Variants in AKAP6 observed in about 807,000 individuals in gnomAD.
AKAP6 encodes A-kinase anchoring protein 6, also known as A-kinase anchor protein 6.
AKAP6 carries 58 observed loss-of-function variants against 188.5 expected under a neutral mutation model. That is an observed-to-expected ratio of 0.31 (90% confidence interval 0.25 to 0.38). The LOEUF is 0.38. AKAP6 is among the 10% of genes least tolerant of loss of function. AKAP6 has a pLI of 1.00. For missense variants in AKAP6, 2,710 were observed against 2,740.0 expected (o/e 0.99, Z 0.24); for synonymous variants, 989 against 998.6 (o/e 0.99, Z 0.18).
intron 5 of AKAP6, among the ~76,000 whole-genome samples, chr14:32,582,634 C>T (rs1236939460): frequency 5.9e-5 from 9 of 152,242 alleles, no homozygotes; most frequent in East Asian, 1.9e-4. Flanking sequence ...ACCAATCAGA[C>T]GTAGATTTGG....
rs187582270 is a variant in AKAP6 at position 32,805,792 on chromosome 14, T to C, written c.3589-15610T>C. Among the ~76,000 whole-genome samples, 208 of 152,356 alleles carry C rather than the reference T, an allele frequency of 1.4e-3. 5 individuals carry two copies. The highest frequency in any genetic ancestry group is 0.013 in the Admixed American group (205 of 15,300). On this transcript the variant is annotated intron_variant, in intron 12 of 13. Transcript: ENST00000280979. ...GAATTGTGTTTATGAATTTTTAACA[T>C]ATAAATGGGTAAGTTTGCAGAATAT...
In AKAP6 at chr14:32,546,031, C is replaced by CAAA; in HGVS notation, c.1379_1380insAAA (p.His460delinsGlnAsn). The CAAA allele has an allele frequency of 1.9e-6, 3 of 1,614,150 alleles. No individual in the cohort carries two copies. The highest frequency in any genetic ancestry group is 2.5e-6 in the Non-Finnish European group (3 of 1,180,018). On this transcript the variant is annotated protein_altering_variant, in exon 4 of 14. Transcript: ENST00000280979. ...TGCCAGCCAGTCTTATGAGTGTTTA[C>CAAA]ACAAGGTGGGGAATGGGAACCTTGA... is the stretch of plus-strand genomic sequence containing the variant.
intron 11 of AKAP6, among the ~76,000 whole-genome samples, chr14:32,756,311 C>T (rs1245803461): frequency 2.6e-5 from 4 of 151,994 alleles, no homozygotes; most frequent in African/African-American, 9.7e-5. Context: ...TGGGATAGGC[C>T]AGTGCTTGGG....
At position 32,821,395 on chromosome 14, in the gene AKAP6, C is replaced by T. The variant is rs2034513933; in HGVS notation, c.3589-7C>T. On this transcript the variant is annotated splice_region_variant and splice_polypyrimidine_tract_variant and intron_variant, in intron 12 of 13. Transcript: ENST00000280979. ...CTTCTCCTTTTCTTTTTCTTTCTCTCACACAGGAGACTTTGAATGTGATTG... is the reference window on the plus strand; with the variant it reads ...CTTCTCCTTTTCTTTTTCTTTCTCTTACACAGGAGACTTTGAATGTGATTG... 1.3e-6 allele frequency: 2 copies of T among 1,569,608 alleles called. No homozygotes were observed. Among genetic ancestry groups the T allele is most frequent in the Middle Eastern group, 1.7e-4 (1 of 5,796 alleles).
intron 1 of AKAP6, among the ~76,000 whole-genome samples, chr14:32,394,281 C>T (rs1468413248): frequency 6.6e-6 from 1 of 152,100 alleles, no homozygotes; most frequent in Non-Finnish European, 1.5e-5. Context: ...TTGAGTGTCA[C>T]TCACAAGAGA....
chr14:32,509,987 A>G (rs974347510), intron 2 of AKAP6, among the ~76,000 whole-genome samples: 1 of 152,116 alleles, frequency 6.6e-6, no homozygotes, highest in Non-Finnish European at 1.5e-5. Context: ...AGCTGACCTC[A>G]TGCAGATTGA....
intron 5 of AKAP6, among the ~76,000 whole-genome samples, chr14:32,581,002 G>A (rs556152913): frequency 2.1e-4 from 32 of 152,142 alleles, no homozygotes; most frequent in Non-Finnish European, 3.4e-4. Flanking sequence ...GAATAGTGCC[G>A]CAATAAACAT....
At chr14:32,614,503 ATATTAG>A (rs1452504469) in intron 7 of AKAP6, among the ~76,000 whole-genome samples, 1 of 152,216 alleles carries the variant, frequency 6.6e-6, no homozygotes, top group East Asian at 1.9e-4. Flanking sequence ...GTAAAATTTG[ATATTAG>A]GAAGTACAGA....
chr14:32,812,211 A>T (rs533208622), intron 12 of AKAP6, among the ~76,000 whole-genome samples: 4 of 152,198 alleles, frequency 2.6e-5, no homozygotes, highest in Non-Finnish European at 5.9e-5. Flanking sequence ...TGTCATTCAA[A>T]CAGATTTACC....
chr14:32,396,544 A>ATGTGTATG (rs1262469958), intron 1 of AKAP6, among the ~76,000 whole-genome samples: 26 of 152,164 alleles, frequency 1.7e-4, no homozygotes, highest in South Asian at 4.1e-4. Flanking sequence ...CAGTTCAGGA[A>ATGTGTATG]TGTGTATGTG....
intron 2 of AKAP6, among the ~76,000 whole-genome samples, chr14:32,449,521 C>CAAAAAAA (rs33960351): frequency 5.7e-5 from 6 of 104,508 alleles, no homozygotes; most frequent in African/African-American, 1.0e-4. Flanking sequence ...GACTCCATCT[C>CAAAAAAA]AAAAAAAAAA....
At chr14:32,478,191 T>C in intron 2 of AKAP6, among the ~76,000 whole-genome samples, 1 of 152,128 alleles carries the variant, frequency 6.6e-6, no homozygotes, top group Non-Finnish European at 1.5e-5. Context: ...TATTCAGTGA[T>C]TAAGAGCCAA....
intron 1 of AKAP6, among the ~76,000 whole-genome samples, chr14:32,422,237 G>A (rs769056973): frequency 2.0e-5 from 3 of 152,212 alleles, no homozygotes; most frequent in Non-Finnish European, 4.4e-5. Flanking sequence ...CAAGATTTCT[G>A]ATGCCAGTTG....
intron 9 of AKAP6, among the ~76,000 whole-genome samples, chr14:32,701,167 G>T (rs927576625): frequency 2.0e-5 from 3 of 151,886 alleles, no homozygotes; most frequent in African/African-American, 4.8e-5. Flanking sequence ...TGAATTTGGG[G>T]TTATTTATAA....
intron 11 of AKAP6, among the ~76,000 whole-genome samples, chr14:32,755,642 C>G (rs1399900126): frequency 6.6e-6 from 1 of 152,054 alleles, no homozygotes; most frequent in African/African-American, 2.4e-5. Flanking sequence ...TTCCCTCCAC[C>G]TTAGCCTCCT....
chr14:32,457,353 C>T (rs1455916074), intron 2 of AKAP6, among the ~76,000 whole-genome samples: 1 of 152,010 alleles, frequency 6.6e-6, no homozygotes, highest in African/African-American at 2.4e-5. Flanking sequence ...GATTCTGAAC[C>T]CTATTACATC....
chr14:32,559,390 A>G (rs763892688), intron 4 of AKAP6, among the ~76,000 whole-genome samples: 37 of 152,246 alleles, frequency 2.4e-4, no homozygotes, highest in Non-Finnish European at 4.6e-4. Flanking sequence ...AGAAGGAAGA[A>G]ATCTGGGTTT....
At chr14:32,485,325 C>A (rs558229662) in intron 2 of AKAP6, among the ~76,000 whole-genome samples, 1 of 152,116 alleles carries the variant, frequency 6.6e-6, no homozygotes, top group East Asian at 1.9e-4. Flanking sequence ...TGAGTATACA[C>A]CCAGTAATGG....
chr14:32,569,482 G>C (rs1884367577), intron 4 of AKAP6, among the ~76,000 whole-genome samples: 1 of 152,176 alleles, frequency 6.6e-6, no homozygotes, highest in African/African-American at 2.4e-5. Flanking sequence ...AGGTAGTAGA[G>C]TCCAAAGCAC....
Sources: allele counts gnomAD v4.1 joint callset (sites outside exome capture counted in the v4.1 genomes callset), GRCh38; gene constraint gnomAD v4.1.1; transcripts MANE v1.5; gene names NCBI Gene and HGNC (gene_info 2026-07-23, HGNC 2026-07-21).